The following ABCA13 variants were observed in gnomAD, a reference collection of about 807,000 sequenced individuals.
ABCA13 encodes ATP binding cassette subfamily A member 13.
ABCA13 carries 476 observed loss-of-function variants against 478.7 expected under a neutral mutation model. The ratio of observed to expected loss-of-function variants is 0.99; its 90% CI spans 0.92 to 1.07. The LOEUF (loss-of-function observed/expected upper bound fraction) is 1.07, where lower values mean the gene tolerates loss of function less well. ABCA13 is among the 50% of genes least tolerant of loss of function. ABCA13 has a pLI of 0.00. For synonymous variants in ABCA13, 2,252 were observed against 2,158.9 expected (o/e 1.04, Z -1.20); for missense variants, 6,060 against 5,910.6 (o/e 1.03, Z -0.83).
At chr7:48,216,557 A>G (rs975669670) in intron 3 of ABCA13, among the ~76,000 whole-genome samples, 1 of 151,986 alleles carries the variant, frequency 6.6e-6, no homozygotes, top group African/African-American at 2.4e-5. Flanking sequence ...TTTCCACTTT[A>G]TGATTGTGTT....
intron 51 of ABCA13, among the ~76,000 whole-genome samples, chr7:48,516,390 A>T (rs1208728922): frequency 2.0e-5 from 3 of 152,120 alleles, no homozygotes; most frequent in Non-Finnish European, 4.4e-5. Context: ...GGAGTCAGTG[A>T]GTTACCAAAT....
intron 27 of ABCA13, among the ~76,000 whole-genome samples, chr7:48,332,039 C>T (rs1237917189): frequency 1.3e-5 from 2 of 152,106 alleles, no homozygotes; most frequent in Non-Finnish European, 2.9e-5. Flanking sequence ...AGCATAATTC[C>T]CTAGAGTAGT....
intron 51 of ABCA13, among the ~76,000 whole-genome samples, chr7:48,513,785 G>C (rs961504856): frequency 1.3e-5 from 2 of 152,062 alleles, no homozygotes; most frequent in Non-Finnish European, 2.9e-5. Context: ...TATAAAATAG[G>C]AGACGGGAGC....
At chr7:48,425,987 C>T (rs529488670) in intron 41 of ABCA13, among the ~76,000 whole-genome samples, 18 of 152,128 alleles carry the variant, frequency 1.2e-4, no homozygotes, top group African/African-American at 3.9e-4. Context: ...GTGATCCGCC[C>T]GCCTCGGCCT....
At chr7:48,590,770 C>T (rs1282213367) in intron 57 of ABCA13, among the ~76,000 whole-genome samples, 2 of 152,024 alleles carry the variant, frequency 1.3e-5, no homozygotes, top group African/African-American at 2.4e-5. Context: ...ACCTATTGGC[C>T]ATTTGCATGT....
In ABCA13 at chr7:48,528,288, T is replaced by G. The variant is rs749109867; in HGVS notation, c.14297T>G (p.Met4766Arg). The G allele has an allele frequency of 2.3e-5, 36 of 1,579,236 alleles. No homozygotes were observed. In the South Asian group the frequency reaches 4.1e-4, roughly 18 times the overall value. Residue 4766 changes from methionine to arginine, a missense_variant, in exon 55 of 62, where the codon ATG becomes AGG. Met to Arg is a moderately conservative substitution (Grantham distance 91, BLOSUM62 -1). Transcript: ENST00000435803. ...GCTGGGAAGAGCACGACTTTCAAAA[T>G]GCTGAATGGTGAAGTTTCTCTAACT... ...NGAGKSTTFK[M>R]LNGEVSLTSG...
chr7:48,548,071 T>C (rs932592965), intron 55 of ABCA13, among the ~76,000 whole-genome samples: 1 of 151,950 alleles, frequency 6.6e-6, no homozygotes, highest in African/African-American at 2.4e-5. Context: ...GGTTGATGCA[T>C]AGCTAGAACT....
intron 29 of ABCA13, among the ~76,000 whole-genome samples, chr7:48,347,011 C>A (rs997853003): frequency 2.0e-5 from 3 of 152,118 alleles, no homozygotes; most frequent in Non-Finnish European, 4.4e-5. Flanking sequence ...CCAAGTTTAG[C>A]CTCATACCCA....
chr7:48,445,003 CTTTCTTTCTTTTT>C (rs1824100129), intron 42 of ABCA13, among the ~76,000 whole-genome samples: 1 of 119,288 alleles, frequency 8.4e-6, no homozygotes, highest in African/African-American at 3.5e-5. Flanking sequence ...TTCTCTCTTT[CTTTCTTTCTTTTT>C]TTTTTTTTTG....
chr7:48,354,046 G>T (rs1809486513), intron 31 of ABCA13, among the ~76,000 whole-genome samples: 1 of 152,010 alleles, frequency 6.6e-6, no homozygotes, highest in African/African-American at 2.4e-5. Context: ...TGCTGTTGTT[G>T]GCTAGTTGTC....
chr7:48,345,951 A>C lies in ABCA13; in HGVS notation c.10205-4692A>C, dbSNP rs376037837. ...ATCATATTTTTATTATACCTTTTCT[A>C]TGTTTAGATATGTTTAGATAAACAA... On this transcript the variant is annotated intron_variant, in intron 29 of 61. Coordinates refer to ENST00000435803, the MANE Select transcript of ABCA13 (RefSeq NM_152701.5). Among the ~76,000 whole-genome samples, 946 of 152,244 alleles carry C rather than the reference A, an allele frequency of 6.2e-3. 9 individuals carry two copies. The highest frequency in any genetic ancestry group is 0.022 in the African/African-American group (907 of 41,526).
At position 48,372,264 on chromosome 7, in the gene ABCA13, A is replaced by G; in HGVS notation, c.10900A>G (p.Ile3634Val). Residue 3634 changes from isoleucine (I) to valine (V), a missense_variant, in exon 33 of 62, where the codon ATC becomes GTC. Coordinates refer to ENST00000435803, the MANE Select transcript of ABCA13 (RefSeq NM_152701.5). ...VLTISSATLA[I>V]VLKTSGIFAH... is the part of the protein sequence containing the mutation. ...GACCATAAGCAGTGCTACTCTGGCC[A>G]TCGTTCTGAAAACAAGTGGCATCTT... 6.2e-7 allele frequency: 1 copy of G among 1,613,948 alleles called. No individual in the cohort carries two copies. Among genetic ancestry groups the G allele is most frequent in the East Asian group, 2.2e-5 (1 of 44,884 alleles).
intron 14 of ABCA13, among the ~76,000 whole-genome samples, chr7:48,248,984 T>C (rs1012759177): frequency 3.3e-5 from 5 of 152,326 alleles, no homozygotes; most frequent in Admixed American, 6.5e-5. Flanking sequence ...TATTGTCTTA[T>C]ATTTTATGTA....
At chr7:48,323,366 C>A (rs1453935516) in intron 27 of ABCA13, among the ~76,000 whole-genome samples, 1 of 152,138 alleles carries the variant, frequency 6.6e-6, no homozygotes, top group Non-Finnish European at 1.5e-5. Context: ...CCCATTTGAG[C>A]CAAAGACATT....
In ABCA13 at chr7:48,520,046, A is replaced by G; in HGVS notation, c.13803A>G (p.Leu4601=). The G allele has an allele frequency of 2.5e-6, 4 of 1,607,578 alleles. No individual in the cohort carries two copies. In the South Asian group the frequency reaches 4.4e-5, roughly 18 times the overall value. The part of the protein sequence containing the change: ...LLAIISKAKN[L]QNIYDVLKWV... The stretch of plus-strand genomic sequence containing the variant: ...TTCTTTTTTTCACTGTGCAGAATTT[A>G]CAGAATATCTATGATGTCCTCAAGT... Residue 4601 remains leucine, a synonymous_variant, in exon 53 of 62, where the codon TTA becomes TTG. Coordinates refer to ENST00000435803, the MANE Select transcript of ABCA13 (RefSeq NM_152701.5).
chr7:48,621,709 C>T (rs1443197104), intron 59 of ABCA13, among the ~76,000 whole-genome samples: 1 of 152,142 alleles, frequency 6.6e-6, no homozygotes, highest in Non-Finnish European at 1.5e-5. Flanking sequence ...CAATGTATTT[C>T]TAAACTGCTG....
intron 45 of ABCA13, among the ~76,000 whole-genome samples, chr7:48,472,161 A>T (rs1267770609): frequency 6.6e-6 from 1 of 152,212 alleles, no homozygotes; most frequent in African/African-American, 2.4e-5. Flanking sequence ...ACTCTAATTA[A>T]TAAAAGGCAT....
chr7:48,290,939 G>GAAAAAAAAAAAAAAAAAA (rs754416012), intron 20 of ABCA13, among the ~76,000 whole-genome samples: 1 of 79,612 alleles, frequency 1.3e-5, no homozygotes, highest in Non-Finnish European at 2.3e-5. Context: ...TCACACTCAG[G>GAAAAAAAAAAAAAAAAAA]GAAAAAAAAA....
chr7:48,347,555 C>T (rs1808306329), intron 29 of ABCA13, among the ~76,000 whole-genome samples: 1 of 152,230 alleles, frequency 6.6e-6, no homozygotes, highest in Admixed American at 6.5e-5. Flanking sequence ...TTAAGAACTG[C>T]TGGTGTCAGC....
Sources: gnomAD v4.1 joint callset for allele counts (sites outside exome capture counted in the v4.1 genomes callset) on GRCh38, gnomAD v4.1.1 for gene constraint, MANE v1.5 for transcripts, NCBI Gene and HGNC (gene_info 2026-07-23, HGNC 2026-07-21) for gene names.